TAFA1: variants seen among roughly 807,000 people sequenced by gnomAD.
TAFA1 encodes the protein chemokine-like protein TAFA-1.
Under a neutral mutation model 18.5 loss-of-function variants are expected in TAFA1, and 4 were observed. That is an observed-to-expected ratio of 0.22 (90% CI 0.11 to 0.49). TAFA1 has a LOEUF of 0.49. TAFA1 is among the 20% of genes least tolerant of loss of function. The pLI, the probability that TAFA1 is intolerant of heterozygous loss-of-function variation, is 0.98. For synonymous variants in TAFA1, 56 were observed against 55.2 expected, an observed-to-expected ratio of 1.01 and a Z score of -0.06; for missense variants, 147 against 169.0, an observed-to-expected ratio of 0.87 and a Z score of 0.72.
intron 3 of TAFA1, among the ~76,000 whole-genome samples, chr3:68,436,743 G>A (rs1041494857): frequency 6.6e-6 from 1 of 152,140 alleles, no homozygotes; most frequent in Non-Finnish European, 1.5e-5. Flanking sequence ...AGATGTCTCT[G>A]TGGAAAGTTG....
chr3:67,999,492 C>T (rs1304468698), upstream of TAFA1, among the ~76,000 whole-genome samples: 1 of 152,090 alleles, frequency 6.6e-6, no homozygotes, highest in East Asian at 1.9e-4. Context: ...TTGGGGGTCT[C>T]TTCTAGGTCC....
intron 2 of TAFA1, among the ~76,000 whole-genome samples, chr3:68,162,865 A>G (rs528647367): frequency 6.6e-6 from 1 of 152,226 alleles, no homozygotes; most frequent in Non-Finnish European, 1.5e-5. Context: ...ATGAGGAATG[A>G]CAAAATTTTT....
At chr3:68,125,756 C>T (rs891977463) in intron 2 of TAFA1, among the ~76,000 whole-genome samples, 1 of 152,194 alleles carries the variant, frequency 6.6e-6, no homozygotes, top group Non-Finnish European at 1.5e-5. Flanking sequence ...AGCTCAGACT[C>T]ACCTTATACA....
At chr3:68,256,613 G>A (rs1020751731) in intron 2 of TAFA1, among the ~76,000 whole-genome samples, 4 of 152,100 alleles carry the variant, frequency 2.6e-5, no homozygotes, top group Non-Finnish European at 5.9e-5. Flanking sequence ...AATTCACATA[G>A]TCTTGTACAT....
intron 2 of TAFA1, among the ~76,000 whole-genome samples, chr3:68,195,747 A>G (rs1163543047): frequency 6.6e-6 from 1 of 151,624 alleles, no homozygotes; most frequent in Non-Finnish European, 1.5e-5. Flanking sequence ...CAGGCCACAG[A>G]GATTTCTACT....
chr3:68,129,810 T>G (rs2065515888), intron 2 of TAFA1, among the ~76,000 whole-genome samples: 1 of 152,138 alleles, frequency 6.6e-6, no homozygotes, highest in South Asian at 2.1e-4. Flanking sequence ...CCACATGGCC[T>G]GAAAGAAAAA....
chr3:68,394,837 A>G (rs1211286072), intron 2 of TAFA1, among the ~76,000 whole-genome samples: 1 of 152,226 alleles, frequency 6.6e-6, no homozygotes. Flanking sequence ...TCCTAAAACC[A>G]TAAAAACTCT....
intron 2 of TAFA1, among the ~76,000 whole-genome samples, chr3:68,203,964 C>G (rs2107047635): frequency 6.6e-6 from 1 of 150,848 alleles, no homozygotes; most frequent in East Asian, 2.0e-4. Flanking sequence ...CCCCCACCCC[C>G]CATGACCACA....
At chr3:68,279,667 A>G (rs2067863048) in intron 2 of TAFA1, among the ~76,000 whole-genome samples, 1 of 152,150 alleles carries the variant, frequency 6.6e-6, no homozygotes, top group South Asian at 2.1e-4. Context: ...GAAATTTCCC[A>G]TTTCAAATAG....
intron 2 of TAFA1, among the ~76,000 whole-genome samples, chr3:68,391,894 A>C (rs889416269): frequency 6.6e-6 from 1 of 152,208 alleles, no homozygotes; most frequent in Admixed American, 6.5e-5. Context: ...AGTACCAGCC[A>C]CTGCAAAAGC....
At chr3:68,256,232 G>A (rs1352864745) in intron 2 of TAFA1, among the ~76,000 whole-genome samples, 1 of 152,068 alleles carries the variant, frequency 6.6e-6, no homozygotes, top group Non-Finnish European at 1.5e-5. Context: ...ACTTACTGAG[G>A]AGTTTCCACA....
intron 3 of TAFA1, among the ~76,000 whole-genome samples, chr3:68,532,376 T>C (rs1203985115): frequency 6.6e-6 from 1 of 152,162 alleles, no homozygotes; most frequent in Non-Finnish European, 1.5e-5. Context: ...TGGTAGCCTG[T>C]GGTAAAAGTT....
intron 3 of TAFA1, among the ~76,000 whole-genome samples, chr3:68,479,935 T>G (rs2072198847): frequency 6.6e-6 from 1 of 152,084 alleles, no homozygotes; most frequent in Admixed American, 6.6e-5. Flanking sequence ...GCCCTCATTT[T>G]CAGCTGTGAC....
intron 2 of TAFA1, among the ~76,000 whole-genome samples, chr3:68,139,999 G>GACTC (rs200144362): frequency 0.013 from 1,913 of 152,264 alleles, 13 homozygotes; most frequent in Middle Eastern, 0.027. Flanking sequence ...ACTGGAGTGA[G>GACTC]ACTCTAAATA....
rs2072851663 is a variant in TAFA1, at chr3:68,511,877, GC to G, written c.260-26878del. ...CTTGTTGCATACCTGGAATTGTTCT[GC>G]ATAGTATAAATGATGATAATGGCCA... is the stretch of plus-strand genomic sequence containing the variant. On this transcript the variant is annotated intron_variant, in intron 3 of 4. Coordinates refer to ENST00000478136, the MANE Select transcript of TAFA1 (RefSeq NM_213609.4). 2.6e-5 allele frequency among the ~76,000 whole-genome samples: 4 copies of G among 152,042 alleles called. No individual in the cohort carries two copies. In the South Asian group the frequency reaches 8.3e-4, roughly 32 times the overall value.
At position 68,309,564 on chromosome 3, in the gene TAFA1, A is replaced by T. The variant is rs114706756; in HGVS notation, c.119-107716A>T. On this transcript the variant is annotated intron_variant, in intron 2 of 4. Coordinates refer to ENST00000478136, the MANE Select transcript of TAFA1 (RefSeq NM_213609.4). Reference sequence around the variant, plus strand: ...CCAGAATATTTACACTGAGAGACCCAAATACAGATTTACCTACTAGCACTT... The same window carrying T: ...CCAGAATATTTACACTGAGAGACCCTAATACAGATTTACCTACTAGCACTT... Among the ~76,000 whole-genome samples the T allele has an allele frequency of 4.8e-3, 728 of 152,316 alleles. 3 individuals are homozygous for T. Among genetic ancestry groups the T allele is most frequent in the African/African-American group, 0.016 (673 of 41,556 alleles).
chr3:68,078,584 T>G (rs2106767572), intron 2 of TAFA1, among the ~76,000 whole-genome samples: 1 of 152,226 alleles, frequency 6.6e-6, no homozygotes, highest in South Asian at 2.1e-4. Flanking sequence ...GGTTTTTGTC[T>G]TTGGCTCTGT....
chr3:68,125,694 C>A (rs893663356), intron 2 of TAFA1, among the ~76,000 whole-genome samples: 1 of 152,158 alleles, frequency 6.6e-6, no homozygotes, highest in African/African-American at 2.4e-5. Flanking sequence ...ACATCACATC[C>A]CCTCAGCTCA....
At chr3:68,509,144 A>G (rs2072809663) in intron 3 of TAFA1, among the ~76,000 whole-genome samples, 1 of 152,158 alleles carries the variant, frequency 6.6e-6, no homozygotes, top group South Asian at 2.1e-4. Context: ...AATGTCAGGC[A>G]CAGTGCTAGG....
Sources: gnomAD v4.1 joint callset for allele counts (sites outside exome capture counted in the v4.1 genomes callset) on GRCh38, gnomAD v4.1.1 for gene constraint, MANE v1.5 for transcripts, NCBI Gene and HGNC (gene_info 2026-07-23, HGNC 2026-07-21) for gene names.